Variants in WWOX observed in about 807,000 individuals in gnomAD.
WWOX encodes the protein WW domain containing oxidoreductase.
Under a neutral mutation model 46.2 loss-of-function variants are expected in WWOX, and 69 were observed. That is an observed-to-expected ratio of 1.49 (90% CI 1.23 to 1.82). WWOX has a LOEUF of 1.82. WWOX is among the 40% of genes most tolerant of loss of function. The pLI is 0.00. For missense variants in WWOX, 919 were observed against 542.6 expected (o/e 1.69, Z -6.89); for synonymous variants, 359 against 202.6 (o/e 1.77, Z -6.56).
chr16:78,620,864 T>C (rs574728554), intron 8 of WWOX, among the ~76,000 whole-genome samples: 14 of 152,340 alleles, frequency 9.2e-5, no homozygotes, highest in African/African-American at 2.9e-4. Context: ...CATTTTTTCA[T>C]GTCCAGGTCA....
intron 8 of WWOX, among the ~76,000 whole-genome samples, chr16:78,782,894 T>C (rs1287636505): frequency 6.6e-6 from 1 of 152,202 alleles, no homozygotes; most frequent in African/African-American, 2.4e-5. Flanking sequence ...TCTCTCAGAA[T>C]GTATTGTTTT....
intron 8 of WWOX, among the ~76,000 whole-genome samples, chr16:79,125,256 A>C (rs1185306358): frequency 6.6e-6 from 1 of 152,174 alleles, no homozygotes; most frequent in Non-Finnish European, 1.5e-5. Flanking sequence ...GCATTTCCAG[A>C]GTACTGTTGA....
rs922699793 is a variant in WWOX, at chr16:78,337,890, C to A, written c.517-48970C>A. Among the ~76,000 whole-genome samples the A allele has an allele frequency of 1.7e-5, 2 of 119,850 alleles. 1 individual carries two copies. The highest frequency in any genetic ancestry group is 5.6e-5 in the African/African-American group (2 of 35,428). The allele number at this position is 119,850 out of a possible 152,430, so 78.6% of individuals were successfully genotyped here. A position where few individuals can be genotyped will look rare whatever the true frequency, so the allele number is the denominator to read the frequency against. On this transcript the variant is annotated intron_variant, in intron 5 of 8. Transcript: ENST00000566780. ...AGTGGTAGAGCTGATGTAGAAGCGC[C>A]CTCTCTGTTCCTGGCAGTGCCTGTC...
intron 1 of WWOX, among the ~76,000 whole-genome samples, chr16:78,101,844 C>T (rs1567569082): frequency 6.6e-6 from 1 of 152,128 alleles, no homozygotes; most frequent in African/African-American, 2.4e-5. Flanking sequence ...CAAATAAGAG[C>T]CAGTTGTCAT....
At chr16:78,808,261 A>G (rs2051094956) in intron 8 of WWOX, among the ~76,000 whole-genome samples, 1 of 152,190 alleles carries the variant, frequency 6.6e-6, no homozygotes, top group Non-Finnish European at 1.5e-5. Flanking sequence ...AAGAGCAGTC[A>G]TTCACCCCTT....
chr16:78,471,644 A>G (rs2084224401), intron 8 of WWOX, among the ~76,000 whole-genome samples: 2 of 152,172 alleles, frequency 1.3e-5, no homozygotes, highest in Non-Finnish European at 2.9e-5. Flanking sequence ...ACACATTTAT[A>G]TTAGGGTAAT....
intron 5 of WWOX, among the ~76,000 whole-genome samples, chr16:78,298,725 A>C: frequency 6.6e-6 from 1 of 150,982 alleles, no homozygotes; most frequent in African/African-American, 2.4e-5. Flanking sequence ...TGGGAGGCGG[A>C]GGTTGTGGTG....
chr16:79,089,947 A>C (rs2048923929), intron 8 of WWOX: 1 of 150,072 alleles, frequency 6.7e-6, no homozygotes, highest in African/African-American at 2.4e-5. Flanking sequence ...GAGAAACCGA[A>C]AGAGTGAACA....
intron 8 of WWOX, among the ~76,000 whole-genome samples, chr16:78,680,143 C>T (rs955877257): frequency 2.0e-5 from 3 of 152,194 alleles, no homozygotes; most frequent in Non-Finnish European, 4.4e-5. Flanking sequence ...GGCGTGGCGG[C>T]TCACGCCTGT....
intron 8 of WWOX, among the ~76,000 whole-genome samples, chr16:78,507,613 C>T (rs751287884): frequency 1.2e-4 from 19 of 152,172 alleles, no homozygotes; most frequent in Non-Finnish European, 2.5e-4. Context: ...ACACATATCA[C>T]CCCCATACTC....
intron 8 of WWOX, among the ~76,000 whole-genome samples, chr16:78,668,150 C>G (rs938802928): frequency 1.3e-5 from 2 of 152,024 alleles, no homozygotes; most frequent in African/African-American, 2.4e-5. Context: ...TGTGGTGGCA[C>G]ATGCCTGTAA....
intron 8 of WWOX, among the ~76,000 whole-genome samples, chr16:78,562,699 G>C (rs2044467805): frequency 6.6e-6 from 1 of 152,140 alleles, no homozygotes; most frequent in Non-Finnish European, 1.5e-5. Flanking sequence ...TGCACTCACT[G>C]ACAATCTGAT....
At chr16:78,773,732 C>T (rs1181519771) in intron 8 of WWOX, among the ~76,000 whole-genome samples, 2 of 152,126 alleles carry the variant, frequency 1.3e-5, no homozygotes, top group African/African-American at 4.8e-5. Flanking sequence ...AATGAGGAGT[C>T]CCTGGAAGGT....
intron 8 of WWOX, among the ~76,000 whole-genome samples, chr16:79,135,244 A>G (rs1243683747): frequency 6.6e-6 from 1 of 152,190 alleles, no homozygotes; most frequent in Non-Finnish European, 1.5e-5. Flanking sequence ...ACTCATAAAT[A>G]TGCATTCATA....
chr16:78,600,171 A>T (rs1185292567), intron 8 of WWOX, among the ~76,000 whole-genome samples: 1 of 152,072 alleles, frequency 6.6e-6, no homozygotes, highest in African/African-American at 2.4e-5. Flanking sequence ...AAAGCACAGG[A>T]AAGACTTGCC....
At chr16:78,851,716 A>G (rs1055560926) in intron 8 of WWOX, among the ~76,000 whole-genome samples, 4 of 152,178 alleles carry the variant, frequency 2.6e-5, no homozygotes, top group African/African-American at 9.7e-5. Flanking sequence ...ACAATTTTTT[A>G]TTTTCAAATG....
At chr16:78,656,568 C>G (rs1292777400) in intron 8 of WWOX, among the ~76,000 whole-genome samples, 1 of 152,164 alleles carries the variant, frequency 6.6e-6, no homozygotes, top group Admixed American at 6.6e-5. Context: ...ACAACCAGAT[C>G]TGGTGAGAAC....
intron 8 of WWOX, among the ~76,000 whole-genome samples, chr16:78,641,105 G>A (rs995300831): frequency 2.0e-5 from 3 of 152,238 alleles, no homozygotes; most frequent in Non-Finnish European, 2.9e-5. Context: ...TGGGAGAGAA[G>A]CAGGCTGTGG....
chr16:78,376,023 G>A (rs2081815424), intron 5 of WWOX, among the ~76,000 whole-genome samples: 1 of 151,936 alleles, frequency 6.6e-6, no homozygotes. Flanking sequence ...GCTAATTTTT[G>A]TATTTTTGTA....
Sources: gnomAD v4.1 joint callset for allele counts (sites outside exome capture counted in the v4.1 genomes callset) on GRCh38, gnomAD v4.1.1 for gene constraint, MANE v1.5 for transcripts, NCBI Gene and HGNC (gene_info 2026-07-23, HGNC 2026-07-21) for gene names.